ATP10A: variants seen among roughly 807,000 people sequenced by gnomAD.
ATP10A encodes ATPase phospholipid transporting 10A (putative).
A neutral mutation model predicts 147.8 loss-of-function variants in ATP10A; 111 were observed. That is an observed-to-expected ratio of 0.75 (90% CI 0.64 to 0.88). ATP10A has a LOEUF of 0.88. ATP10A is among the 40% of genes least tolerant of loss of function. The pLI is 0.00. For synonymous variants in ATP10A, 875 were observed against 841.6 expected (o/e 1.04, Z -0.69); for missense variants, 1,927 against 1,959.0 (o/e 0.98, Z 0.31).
chr15:25,772,315 C>T (rs1046984956), intron 2 of ATP10A, among the ~76,000 whole-genome samples: 8 of 152,214 alleles, frequency 5.3e-5, no homozygotes, highest in East Asian at 3.9e-4. Context: ...CAGGCCCTGA[C>T]GTCTCTGATG....
downstream of ATP10A, among the ~76,000 whole-genome samples, chr15:25,673,328 G>A (rs1245555584): frequency 6.6e-6 from 1 of 152,164 alleles, no homozygotes; most frequent in African/African-American, 2.4e-5. Context: ...TCAAACAAGC[G>A]TCGAGGAGAG....
intron 1 of ATP10A, among the ~76,000 whole-genome samples, chr15:25,817,227 C>T (rs1430375576): frequency 2.0e-5 from 3 of 152,056 alleles, no homozygotes; most frequent in African/African-American, 7.2e-5. Flanking sequence ...GGATTACAGG[C>T]GCCCGCCACC....
intron 1 of ATP10A, among the ~76,000 whole-genome samples, chr15:25,850,064 C>T (rs1362652592): frequency 6.6e-6 from 1 of 152,172 alleles, no homozygotes; most frequent in Non-Finnish European, 1.5e-5. Flanking sequence ...AATTAAATCA[C>T]GCAGGTCGAT....
chr15:25,754,121 T>C (rs913645353), intron 2 of ATP10A, among the ~76,000 whole-genome samples: 1 of 151,946 alleles, frequency 6.6e-6, no homozygotes, highest in Non-Finnish European at 1.5e-5. Flanking sequence ...TTTTATTTTG[T>C]TTGTTTGTTT....
At chr15:25,764,303 C>T (rs1706279691) in intron 2 of ATP10A, among the ~76,000 whole-genome samples, 1 of 152,206 alleles carries the variant, frequency 6.6e-6, no homozygotes, top group South Asian at 2.1e-4. Flanking sequence ...TTCCCTGCTA[C>T]AGATGGCAGG....
intron 2 of ATP10A, among the ~76,000 whole-genome samples, chr15:25,777,579 G>A (rs1889675432): frequency 6.6e-6 from 1 of 151,884 alleles, no homozygotes; most frequent in African/African-American, 2.4e-5. Context: ...AGGGGCAGTG[G>A]CTGTCCCTTC....
At chr15:25,844,802 C>T (rs1042610285) in intron 1 of ATP10A, among the ~76,000 whole-genome samples, 6 of 152,194 alleles carry the variant, frequency 3.9e-5, no homozygotes, top group Admixed American at 1.3e-4. Flanking sequence ...ACATGCTTAG[C>T]CCCTGTCTGC....
intron 15 of ATP10A, among the ~76,000 whole-genome samples, chr15:25,690,223 T>A (rs1024794387): frequency 4.2e-5 from 5 of 118,064 alleles, no homozygotes; most frequent in Non-Finnish European, 3.7e-5. Flanking sequence ...TTTTCCTTAA[T>A]TTTTTTTCCT....
chr15:25,777,771 T>G (rs1889686327), intron 2 of ATP10A, among the ~76,000 whole-genome samples: 1 of 70,436 alleles, frequency 1.4e-5, no homozygotes, highest in South Asian at 6.3e-4. Context: ...GGCAATTTTT[T>G]TTCTTTCTTT....
rs116098663 is a variant in ATP10A, at chr15:25,684,770, C to T, written c.3292-1284G>A. Among the ~76,000 whole-genome samples the T allele has an allele frequency of 6.8e-3, 1,030 of 152,230 alleles. 17 individuals are homozygous for T. Among genetic ancestry groups the T allele is most frequent in the African/African-American group, 0.024 (979 of 41,530 alleles). ...TGGTTCTGGAGCTGCAACTATCTAC[C>T]CTTTTGACCCTGACTCAGTCACTTC... On this transcript the variant is annotated intron_variant, in intron 16 of 20. Transcript: ENST00000555815.
chr15:25,765,914 G>T (rs1888995681), intron 2 of ATP10A, among the ~76,000 whole-genome samples: 1 of 152,160 alleles, frequency 6.6e-6, no homozygotes, highest in Admixed American at 6.5e-5. Flanking sequence ...CAAAGGACAG[G>T]CCAGAAGGAC....
downstream of ATP10A, among the ~76,000 whole-genome samples, chr15:25,675,042 AG>A (rs1899109224): frequency 6.6e-6 from 1 of 152,194 alleles, no homozygotes; most frequent in African/African-American, 2.4e-5. Flanking sequence ...AGCCGGCCGA[AG>A]TCTGCCCTGG....
chr15:25,756,120 A>G (rs1376898620), intron 2 of ATP10A, among the ~76,000 whole-genome samples: 1 of 152,140 alleles, frequency 6.6e-6, no homozygotes, highest in African/African-American at 2.4e-5. Context: ...TTCATTTGGG[A>G]GCCATCCCTT....
At chr15:25,750,068 G>C (rs72705819) in intron 2 of ATP10A, among the ~76,000 whole-genome samples, 6,564 of 151,986 alleles carry the variant, frequency 0.043, 198 homozygotes, top group Non-Finnish European at 0.063. Context: ...TAACTGAAAA[G>C]TTTCCAAACT....
intron 5 of ATP10A, among the ~76,000 whole-genome samples, chr15:25,725,436 GA>G (rs1386911022): frequency 6.6e-6 from 1 of 152,094 alleles, no homozygotes; most frequent in Non-Finnish European, 1.5e-5. Flanking sequence ...GGGAGTCCTG[GA>G]ACCAACCCCC....
chr15:25,782,285 T>C (rs1889961875), intron 1 of ATP10A, among the ~76,000 whole-genome samples: 1 of 152,162 alleles, frequency 6.6e-6, no homozygotes, highest in Admixed American at 6.5e-5. Context: ...TACCATTTTA[T>C]AGACACAGAG....
chr15:25,713,743 C>T lies in ATP10A; in HGVS notation c.2275G>A (p.Asp759Asn), dbSNP rs752081521. 5 of 1,613,970 alleles carry T rather than the reference C, an allele frequency of 3.1e-6. No individual in the cohort carries two copies. Among genetic ancestry groups the T allele is most frequent in the East Asian group, 2.2e-5 (1 of 44,864 alleles). ...MSVVIRHPLT[D>N]EINVYTKGAD... ...CCCTTGGTGTAGACGTTGATCTCAT[C>T]GGTAAGCGGGTGCCGGATCACCACT... Residue 759 changes from aspartate (D) to asparagine (N), a missense_variant, in exon 10 of 21, where the codon GAT becomes AAT. Transcript: ENST00000555815.
intron 1 of ATP10A, among the ~76,000 whole-genome samples, chr15:25,847,502 C>CT (rs1893074068): frequency 6.6e-6 from 1 of 151,020 alleles, no homozygotes; most frequent in Admixed American, 6.6e-5. Flanking sequence ...TAAAAAGCAC[C>CT]TTTTTTCCAC....
intron 1 of ATP10A, among the ~76,000 whole-genome samples, chr15:25,823,806 C>A (rs1596956982): frequency 6.6e-6 from 1 of 152,194 alleles, no homozygotes; most frequent in East Asian, 1.9e-4. Flanking sequence ...AAAGTTAACA[C>A]ATTTCCCAAT....
Sources: allele counts gnomAD v4.1 joint callset (sites outside exome capture counted in the v4.1 genomes callset), GRCh38; gene constraint gnomAD v4.1.1; transcripts MANE v1.5; gene names NCBI Gene and HGNC (gene_info 2026-07-23, HGNC 2026-07-21).